Variants in ALDH1L2 observed in about 807,000 individuals in gnomAD.
ALDH1L2 encodes mitochondrial 10-formyltetrahydrofolate dehydrogenase.
A neutral mutation model predicts 111.0 loss-of-function variants in ALDH1L2; 91 were observed. The observed-to-expected ratio is 0.82, with a 90% CI of 0.69 to 0.98. ALDH1L2 has a LOEUF of 0.98. ALDH1L2 is among the 50% of genes least tolerant of loss of function. ALDH1L2 has a pLI of 0.00. For missense variants in ALDH1L2, 995 were observed against 1,126.8 expected (o/e 0.88, Z 1.67); for synonymous variants, 374 against 392.6 (o/e 0.95, Z 0.56).
At chr12:105,046,213 ATATATATATTTTTTTTTTT>A (rs1875881832) in intron 15 of ALDH1L2, among the ~76,000 whole-genome samples, 1 of 43,392 alleles carries the variant, frequency 2.3e-5, no homozygotes, top group African/African-American at 1.0e-4. Context: ...ATATATATAT[ATATATATATTTTTTTTTTT>A]TTTTTTTTTT....
At chr12:105,032,886 T>G (rs917865007) in intron 19 of ALDH1L2, among the ~76,000 whole-genome samples, 1 of 152,216 alleles carries the variant, frequency 6.6e-6, no homozygotes, top group Non-Finnish European at 1.5e-5. Flanking sequence ...TGTAAAATTC[T>G]CCTGGTGTAG....
chr12:105,055,264 T>C (rs182176868), intron 10 of ALDH1L2, among the ~76,000 whole-genome samples: 32 of 152,338 alleles, frequency 2.1e-4, no homozygotes, highest in African/African-American at 6.5e-4. Context: ...GGGAGACTTA[T>C]TGGCTCAAGG....
chr12:105,070,823 A>AT lies in ALDH1L2; in HGVS notation c.194-20dup, dbSNP rs61242687. On this transcript the variant is annotated intron_variant, in intron 2 of 22. Coordinates refer to ENST00000258494, the MANE Select transcript of ALDH1L2 (RefSeq NM_001034173.4). ...GCCAAAGCTGAGCATAAAAAAGAAG[A>AT]TTTTTTTTTTAGAAGTTAGCCATAA... 3,873 of 1,458,696 alleles carry AT rather than the reference A, an allele frequency of 2.7e-3. 9 individuals are homozygous for AT. The highest frequency in any genetic ancestry group is 0.016 in the African/African-American group (1,117 of 70,292). 90.4% of individuals were successfully genotyped at this position (1,458,696 alleles called of 1,614,324 possible).
At chr12:105,054,303 A>G (rs1030084302) in intron 10 of ALDH1L2, among the ~76,000 whole-genome samples, 1 of 152,228 alleles carries the variant, frequency 6.6e-6, no homozygotes, top group Non-Finnish European at 1.5e-5. Flanking sequence ...TGGGACAGGA[A>G]AGTAAGGACC....
intron 11 of ALDH1L2, 70 bp from the exon 12 acceptor site, chr12:105,052,287 A>G (rs1343687435): frequency 1.8e-5 from 26 of 1,411,780 alleles, no homozygotes; most frequent in Non-Finnish European, 2.0e-5. Context: ...TTAATATTGT[A>G]TTAATAGAAA....
intron 3 of ALDH1L2, among the ~76,000 whole-genome samples, chr12:105,070,063 T>C (rs1164769222): frequency 1.3e-5 from 2 of 152,228 alleles, no homozygotes; most frequent in African/African-American, 2.4e-5. Flanking sequence ...GGGAACATTG[T>C]GTATTCAGAC....
chr12:105,063,088 G>A (rs12372293), intron 6 of ALDH1L2, 66 bp from the exon 7 acceptor site: 182,844 of 1,499,556 alleles, frequency 0.12, 11,837 homozygotes, highest in Middle Eastern at 0.17. Flanking sequence ...GTATGTATAA[G>A]CATCATTCTC....
chr12:105,026,349 G>T (rs1373306329), intron 22 of ALDH1L2, among the ~76,000 whole-genome samples, 196 bp downstream of exon 22: 1 of 152,144 alleles, frequency 6.6e-6, no homozygotes, highest in Non-Finnish European at 1.5e-5. Flanking sequence ...TCCACACAAT[G>T]TGTGTACTTT....
chr12:105,031,471 C>CTTTGT (rs1212385913), intron 20 of ALDH1L2, among the ~76,000 whole-genome samples: 46 of 150,112 alleles, frequency 3.1e-4, no homozygotes, highest in East Asian at 1.9e-3. Context: ...GTCTCCCCTT[C>CTTTGT]TTTGTTTTAT....
intron 17 of ALDH1L2, among the ~76,000 whole-genome samples, chr12:105,039,301 T>C (rs1193741072): frequency 2.0e-5 from 3 of 148,066 alleles, no homozygotes; most frequent in Non-Finnish European, 3.0e-5. Flanking sequence ...TTTGGACATT[T>C]AGATTGCTTA....
chr12:105,050,056 A>G lies in ALDH1L2; in HGVS notation c.1538T>C (p.Leu513Pro). The change falls in exon 13 of 23, where the codon CTT becomes CCT. Residue 513 changes from leucine (L) to proline (P), a missense_variant and splice_region_variant. Transcript: ENST00000258494. ...ARERGRLMYR[L>P]ADLLEENQEE... ...TTGGTTCTCTTCCAGTAGGTCTGCAAGTCTGTGTGGTCAGTGAAAGAAATA... is the reference window on the plus strand; with the variant it reads ...TTGGTTCTCTTCCAGTAGGTCTGCAGGTCTGTGTGGTCAGTGAAAGAAATA... 1 of 1,590,290 alleles carries G rather than the reference A, an allele frequency of 6.3e-7. No homozygotes were observed. The highest frequency in any genetic ancestry group is 8.6e-7 in the Non-Finnish European group (1 of 1,168,706).
chr12:105,025,103 TC>T (rs1235117735), intron 22 of ALDH1L2, among the ~76,000 whole-genome samples: 2 of 152,212 alleles, frequency 1.3e-5, no homozygotes, highest in Non-Finnish European at 2.9e-5. Context: ...AGTACTGTCA[TC>T]AATCTCTACA....
chr12:105,056,515 T>C (rs559655025), intron 10 of ALDH1L2, among the ~76,000 whole-genome samples: 2 of 152,074 alleles, frequency 1.3e-5, no homozygotes, highest in East Asian at 3.9e-4. Flanking sequence ...TAAACATTGG[T>C]ATAAATATAT....
chr12:105,073,984 T>G lies in ALDH1L2; in HGVS notation c.70A>C (p.Lys24Gln). The G allele has an allele frequency of 6.2e-7, 1 of 1,614,144 alleles. No individual in the cohort carries two copies. Among genetic ancestry groups the G allele is most frequent in the Non-Finnish European group, 8.5e-7 (1 of 1,180,018 alleles). The change falls in exon 2 of 23, where the codon AAG becomes CAG. Residue 24 changes from lysine to glutamine, a missense_variant. Coordinates refer to ENST00000258494, the MANE Select transcript of ALDH1L2 (RefSeq NM_001034173.4). ...AGGCTCTGGCCAATTAGTGCCAACT[T>G]CAGCTTGTTTTTGAAATAAACCTGT... is the stretch of plus-strand genomic sequence containing the variant. ...TGRVYFKNKL[K>Q]LALIGQSLFG...
chr12:105,066,423 C>A, intron 5 of ALDH1L2, 145 bp downstream of exon 5: 1 of 667,446 alleles, frequency 1.5e-6, no homozygotes, highest in Non-Finnish European at 2.6e-6. Flanking sequence ...CCCTCTCCTG[C>A]GTATGTCTGG....
At chr12:105,041,749 C>G in intron 15 of ALDH1L2, among the ~76,000 whole-genome samples, 1 of 152,154 alleles carries the variant, frequency 6.6e-6, no homozygotes, top group East Asian at 1.9e-4. Context: ...CACAAAGATT[C>G]TTACTGTAAT....
Position 105,046,149 on chromosome 12 carries a change from TTCTCTCTCTCTCTCTC to T in ALDH1L2, c.1863+545_1863+560del, listed in dbSNP as rs541003101. Reference sequence around the variant, plus strand: ...ATGCTTTTCCCTCATCTTCTACATCTTCTCTCTCTCTCTCTCTCTCTCTCTCTCTCTCTCTCTCTCT... The same window carrying T: ...ATGCTTTTCCCTCATCTTCTACATCTTCTCTCTCTCTCTCTCTCTCTCTCT... On this transcript the variant is annotated intron_variant, in intron 15 of 22. Coordinates refer to ENST00000258494, the MANE Select transcript of ALDH1L2 (RefSeq NM_001034173.4). 5.1e-3 allele frequency among the ~76,000 whole-genome samples: 182 copies of T among 35,986 alleles called. 3 individuals are homozygous for T. Among genetic ancestry groups the T allele is most frequent in the East Asian group, 0.028 (31 of 1,120 alleles). 23.6% of individuals were successfully genotyped at this position (35,986 alleles called of 152,430 possible).
At chr12:105,049,871 C>G in intron 13 of ALDH1L2, 37 bp downstream of exon 13, 1 of 1,583,490 alleles carries the variant, frequency 6.3e-7, no homozygotes, top group Non-Finnish European at 8.6e-7. Context: ...CAATGTTAGT[C>G]CCTTTTTCTT....
At chr12:105,034,795 C>T (rs916556413) in intron 18 of ALDH1L2, among the ~76,000 whole-genome samples, 10 of 151,934 alleles carry the variant, frequency 6.6e-5, no homozygotes, top group Admixed American at 5.2e-4. Flanking sequence ...ACCAGTGTGG[C>T]CAACACAGTG....
Sources: allele counts gnomAD v4.1 joint callset (sites outside exome capture counted in the v4.1 genomes callset), GRCh38; gene constraint gnomAD v4.1.1; transcripts MANE v1.5; gene names NCBI Gene and HGNC (gene_info 2026-07-23, HGNC 2026-07-21).